Variants in PDE4D observed in about 807,000 individuals in gnomAD.
The protein encoded by PDE4D is 3',5'-cyclic-AMP phosphodiesterase 4D.
Under a neutral mutation model 87.4 loss-of-function variants are expected in PDE4D, and 24 were observed. The observed-to-expected ratio is 0.27, with a 90% CI of 0.20 to 0.39. The LOEUF is 0.39. Among genes scored for constraint, PDE4D ranks in the 10% least tolerant of loss-of-function variants. PDE4D has a pLI of 1.00. For missense variants in PDE4D, 714 were observed against 1,041.0 expected (o/e 0.69, Z 4.32); for synonymous variants, 384 against 383.2 (o/e 1.00, Z -0.02).
intron 1 of PDE4D, among the ~76,000 whole-genome samples, chr5:60,398,176 C>T (rs1007236952): frequency 6.6e-6 from 1 of 152,146 alleles, no homozygotes; most frequent in Non-Finnish European, 1.5e-5. Flanking sequence ...GGGAAGACCT[C>T]CTATTTTTGA....
intron 5 of PDE4D, among the ~76,000 whole-genome samples, chr5:59,121,736 G>T (rs1774537799): frequency 6.6e-6 from 1 of 152,104 alleles, no homozygotes; most frequent in Non-Finnish European, 1.5e-5. Context: ...CAAAGGAAAA[G>T]AAATTGGTGT....
intron 1 of PDE4D, among the ~76,000 whole-genome samples, chr5:60,419,852 C>T (rs1742937905): frequency 6.6e-6 from 1 of 152,168 alleles, no homozygotes; most frequent in Non-Finnish European, 1.5e-5. Flanking sequence ...CACGAATGTC[C>T]ACCTCTGTGA....
At chr5:59,659,625 C>T (rs528690424) in intron 1 of PDE4D, among the ~76,000 whole-genome samples, 1 of 152,326 alleles carries the variant, frequency 6.6e-6, no homozygotes, top group East Asian at 1.9e-4. Flanking sequence ...TACTCTGTTA[C>T]AGCTATCTCC....
chr5:59,657,792 G>C (rs1289489797), intron 1 of PDE4D, among the ~76,000 whole-genome samples: 1 of 152,136 alleles, frequency 6.6e-6, no homozygotes, highest in African/African-American at 2.4e-5. Flanking sequence ...AAGATAGTAA[G>C]TCTCCAAAGA....
At chr5:59,395,556 G>A (rs1490487737) in intron 1 of PDE4D, among the ~76,000 whole-genome samples, 1 of 150,834 alleles carries the variant, frequency 6.6e-6, no homozygotes, top group Non-Finnish European at 1.5e-5. Context: ...AAACAGAAAG[G>A]ACATCCACAC....
At position 59,816,262 on chromosome 5, in the gene PDE4D, T is replaced by C. The variant is rs546327378; in HGVS notation, c.455+76906A>G. Among the ~76,000 whole-genome samples, 8 of 152,370 alleles carry C rather than the reference T, an allele frequency of 5.3e-5. No homozygotes were observed. In the South Asian group the frequency reaches 1.0e-3, roughly 20 times the overall value. On this transcript the variant is annotated intron_variant, in intron 1 of 14. Transcript: ENST00000340635. ...GGACTCCTTAATAACCTGTAAGTTA[T>C]AGGAATTACTAGATTTTGGTTTAAT...
At chr5:59,892,328 C>G (rs1751073025) in intron 1 of PDE4D, among the ~76,000 whole-genome samples, 1 of 152,312 alleles carries the variant, frequency 6.6e-6, no homozygotes, top group African/African-American at 2.4e-5. Flanking sequence ...GGAGCACTTA[C>G]GTTAAGGGGA....
chr5:60,160,897 T>C (rs1782420093), intron 2 of PDE4D: 1 of 405,622 alleles, frequency 2.5e-6, no homozygotes, highest in Admixed American at 3.1e-5. Context: ...CATGTCATTT[T>C]TTTAATTCTA....
chr5:60,286,770 A>G (rs1752454763), intron 1 of PDE4D, among the ~76,000 whole-genome samples: 1 of 152,246 alleles, frequency 6.6e-6, no homozygotes, highest in South Asian at 2.1e-4. Context: ...ATAGGTAGGA[A>G]TGAACTTAAA....
intron 1 of PDE4D, among the ~76,000 whole-genome samples, chr5:60,228,343 T>C (rs781662424): frequency 2.0e-5 from 3 of 152,120 alleles, no homozygotes; most frequent in Non-Finnish European, 4.4e-5. Flanking sequence ...GCAAAGGCTA[T>C]GCAAAGCCCT....
At chr5:60,001,883 G>A (rs1397613673) in intron 2 of PDE4D, among the ~76,000 whole-genome samples, 203 of 134,082 alleles carry the variant, frequency 1.5e-3, no homozygotes, top group South Asian at 2.6e-3. Flanking sequence ...AATTACAAAG[G>A]AAAAAAAAAA....
chr5:59,740,074 T>C (rs748989060), intron 1 of PDE4D, among the ~76,000 whole-genome samples: 30 of 152,156 alleles, frequency 2.0e-4, no homozygotes, highest in Non-Finnish European at 3.1e-4. Flanking sequence ...AGATAAAAGT[T>C]CCATATGAGT....
intron 1 of PDE4D, among the ~76,000 whole-genome samples, chr5:59,350,809 A>G (rs1780414420): frequency 6.6e-6 from 1 of 152,188 alleles, no homozygotes; most frequent in African/African-American, 2.4e-5. Context: ...CACATGAAGT[A>G]ACTTGCCCAA....
At chr5:59,753,673 CAG>C (rs994633433) in intron 1 of PDE4D, among the ~76,000 whole-genome samples, 3 of 152,084 alleles carry the variant, frequency 2.0e-5, no homozygotes, top group African/African-American at 7.2e-5. Context: ...GTGCTGGAAA[CAG>C]AGACAATGAA....
chr5:59,698,221 T>C (rs759494194), intron 1 of PDE4D, among the ~76,000 whole-genome samples: 88 of 152,180 alleles, frequency 5.8e-4, no homozygotes, highest in Middle Eastern at 3.4e-3. Context: ...AGAAAAGCAT[T>C]CTCTTTAGGG....
chr5:59,960,077 A>T (rs916510039), intron 3 of PDE4D, among the ~76,000 whole-genome samples: 2 of 152,068 alleles, frequency 1.3e-5, no homozygotes, highest in African/African-American at 4.8e-5. Flanking sequence ...CATACAAGCA[A>T]CCAATAAACA....
chr5:59,426,226 C>T (rs1795184848), intron 1 of PDE4D, among the ~76,000 whole-genome samples: 1 of 152,200 alleles, frequency 6.6e-6, no homozygotes, highest in Non-Finnish European at 1.5e-5. Flanking sequence ...AAACAAATTT[C>T]TGCTGTTTAA....
chr5:59,548,082 A>T (rs2153686573), intron 1 of PDE4D, among the ~76,000 whole-genome samples: 1 of 152,296 alleles, frequency 6.6e-6, no homozygotes, highest in South Asian at 2.1e-4. Flanking sequence ...CAATCAAATC[A>T]TGAGAGGGCC....
intron 1 of PDE4D, among the ~76,000 whole-genome samples, chr5:59,771,491 G>A (rs5002481): frequency 0.11 from 4,015 of 37,018 alleles, 135 homozygotes; most frequent in African/African-American, 0.16. Context: ...GAAAGAGAGA[G>A]AGAGAGAGAA....
Sources: allele counts gnomAD v4.1 joint callset (sites outside exome capture counted in the v4.1 genomes callset), GRCh38; gene constraint gnomAD v4.1.1; transcripts MANE v1.5; gene names NCBI Gene and HGNC (gene_info 2026-07-23, HGNC 2026-07-21).